Variants in MMP16 observed in about 807,000 individuals in gnomAD.
The protein encoded by MMP16 is matrix metalloproteinase-16.
In MMP16, 12 loss-of-function variants were observed where a neutral mutation model predicts 67.8. The observed-to-expected ratio is 0.18, with a 90% confidence interval of 0.11 to 0.29. The LOEUF is 0.29. Among genes scored for constraint, MMP16 ranks in the 10% least tolerant of loss-of-function variants. The probability of loss-of-function intolerance (pLI) is 1.00; values close to 1 mark genes in which losing one functional copy is unlikely to be tolerated. For synonymous variants in MMP16, 249 were observed against 255.9 expected (o/e 0.97, Z 0.26); for missense variants, 475 against 765.7 (o/e 0.62, Z 4.48).
chr8:88,159,291 T>A (rs1379569111), intron 4 of MMP16, among the ~76,000 whole-genome samples: 1 of 152,156 alleles, frequency 6.6e-6, no homozygotes, highest in African/African-American at 2.4e-5. Context: ...ATTCTTCCTA[T>A]CCATGGGCAT....
chr8:88,104,418 A>G (rs1422805866), intron 6 of MMP16, among the ~76,000 whole-genome samples: 1 of 151,652 alleles, frequency 6.6e-6, no homozygotes, highest in African/African-American at 2.4e-5. Flanking sequence ...GCTTCAGTTA[A>G]TGATGTACCA....
chr8:88,285,390 T>A (rs544133982), intron 1 of MMP16, among the ~76,000 whole-genome samples: 1 of 152,252 alleles, frequency 6.6e-6, no homozygotes, highest in South Asian at 2.1e-4. Context: ...TCCACCCACC[T>A]CAGCCTCCCG....
intron 4 of MMP16, among the ~76,000 whole-genome samples, chr8:88,129,368 A>C (rs191964918): frequency 6.6e-6 from 1 of 151,906 alleles, no homozygotes; most frequent in Admixed American, 6.6e-5. Flanking sequence ...ACAAAGCAAA[A>C]GCTAATGAAA....
At chr8:88,129,602 GGTT>G (rs567271862) in intron 4 of MMP16, among the ~76,000 whole-genome samples, 2 of 151,086 alleles carry the variant, frequency 1.3e-5, no homozygotes, top group Non-Finnish European at 3.0e-5. Flanking sequence ...GAAAAGAAAA[GGTT>G]GTTTTTTCTA....
intron 1 of MMP16, among the ~76,000 whole-genome samples, chr8:88,278,608 C>T (rs1266127769): frequency 1.3e-5 from 2 of 152,084 alleles, no homozygotes; most frequent in African/African-American, 2.4e-5. Flanking sequence ...AGAATTAAAA[C>T]AGCAACAAAA....
chr8:88,248,784 A>G (rs1352236366), intron 1 of MMP16, among the ~76,000 whole-genome samples: 1 of 114,888 alleles, frequency 8.7e-6, no homozygotes, highest in Non-Finnish European at 2.0e-5. Flanking sequence ...GTTGTATTGG[A>G]CATAGTAAAA....
intron 3 of MMP16, among the ~76,000 whole-genome samples, chr8:88,182,736 C>T (rs13261150): frequency 0.71 from 107,493 of 152,028 alleles, 40,920 homozygotes; most frequent in Non-Finnish European, 0.88. Context: ...AAAATTTATG[C>T]CTACACAAAA....
chr8:88,174,298 T>G (rs1331924488), intron 3 of MMP16, among the ~76,000 whole-genome samples: 1 of 152,218 alleles, frequency 6.6e-6, no homozygotes, highest in Non-Finnish European at 1.5e-5. Context: ...AATAACATTT[T>G]GGAACTTAGA....
chr8:88,260,736 A>G (rs1446918113), intron 1 of MMP16, among the ~76,000 whole-genome samples: 1 of 152,178 alleles, frequency 6.6e-6, no homozygotes, highest in Non-Finnish European at 1.5e-5. Context: ...ATAGATTAAA[A>G]ATTAGAAAAA....
intron 6 of MMP16, among the ~76,000 whole-genome samples, chr8:88,098,807 C>T (rs986448995): frequency 2.0e-5 from 3 of 151,514 alleles, no homozygotes; most frequent in Admixed American, 6.6e-5. Flanking sequence ...GTAAGAAAAG[C>T]CAAAAGAAGT....
chr8:88,299,661 T>A (rs1563588549), intron 1 of MMP16, among the ~76,000 whole-genome samples: 1 of 152,208 alleles, frequency 6.6e-6, no homozygotes, highest in Non-Finnish European at 1.5e-5. Context: ...TAGTATGATG[T>A]TATTAGGCTG....
At chr8:88,081,785 T>C (rs1320820751) in intron 6 of MMP16, among the ~76,000 whole-genome samples, 1 of 152,116 alleles carries the variant, frequency 6.6e-6, no homozygotes, top group African/African-American at 2.4e-5. Flanking sequence ...AATTTTAAAA[T>C]GTATTACTAG....
intron 1 of MMP16, among the ~76,000 whole-genome samples, chr8:88,208,854 A>G (rs531951257): frequency 6.6e-6 from 1 of 151,736 alleles, no homozygotes; most frequent in Non-Finnish European, 1.5e-5. Context: ...AAAAAAAAAT[A>G]AAAAGAGGAG....
intron 7 of MMP16, among the ~76,000 whole-genome samples, chr8:88,074,273 C>T: frequency 6.6e-6 from 1 of 152,038 alleles, no homozygotes. Flanking sequence ...TACCTAAAAC[C>T]AGCAAGCAAC....
At chr8:88,314,850 A>G (rs1019005854) in intron 1 of MMP16, among the ~76,000 whole-genome samples, 3 of 152,134 alleles carry the variant, frequency 2.0e-5, no homozygotes, top group Admixed American at 1.3e-4. Context: ...TGCTCTTTGC[A>G]GTTCTCTTCT....
intron 4 of MMP16, among the ~76,000 whole-genome samples, chr8:88,142,121 G>T (rs1272983797): frequency 1.3e-5 from 2 of 151,712 alleles, no homozygotes; most frequent in Non-Finnish European, 2.9e-5. Context: ...TGTTGCCCAG[G>T]CTGGTCTTGA....
chr8:88,225,751 G>C (rs1586214143), intron 1 of MMP16, among the ~76,000 whole-genome samples: 1 of 151,744 alleles, frequency 6.6e-6, no homozygotes. Flanking sequence ...TCTAGAAAAG[G>C]TGTACTATTT....
At chr8:88,103,333 T>C (rs965618835) in intron 6 of MMP16, among the ~76,000 whole-genome samples, 1 of 151,852 alleles carries the variant, frequency 6.6e-6, no homozygotes, top group Non-Finnish European at 1.5e-5. Context: ...ATTTTCTTCC[T>C]GAGGGAAAGA....
At chr8:88,224,128 T>C (rs1413233456) in intron 1 of MMP16, among the ~76,000 whole-genome samples, 1 of 152,024 alleles carries the variant, frequency 6.6e-6, no homozygotes, top group African/African-American at 2.4e-5. Flanking sequence ...TCTGAACATA[T>C]AAAACAGTTT....
Sources: allele counts gnomAD v4.1 joint callset (sites outside exome capture counted in the v4.1 genomes callset), GRCh38; gene constraint gnomAD v4.1.1; transcripts MANE v1.5; gene names NCBI Gene and HGNC (gene_info 2026-07-23, HGNC 2026-07-21).